MBD5: variants seen among roughly 807,000 people sequenced by gnomAD.
MBD5 encodes methyl-CpG binding domain protein 5, also known as methyl-CpG-binding domain protein 5.
In MBD5, 13 loss-of-function variants were observed where a neutral mutation model predicts 117.3. The ratio of observed to expected loss-of-function variants is 0.11; its 90% confidence interval spans 0.07 to 0.18. The LOEUF is 0.18. Ranked by LOEUF, MBD5 falls within the 10% of genes least tolerant of loss-of-function variation. The pLI is 1.00. For missense variants in MBD5, 1,879 were observed against 2,093.8 expected, an observed-to-expected ratio of 0.90 and a Z score of 2.00; for synonymous variants, 727 against 766.4, an observed-to-expected ratio of 0.95 and a Z score of 0.85.
At chr2:148,325,855 A>T (rs1228109339) in intron 3 of MBD5, among the ~76,000 whole-genome samples, 1 of 151,832 alleles carries the variant, frequency 6.6e-6, no homozygotes, top group Non-Finnish European at 1.5e-5. Flanking sequence ...CTCTGATCTT[A>T]GTTACTTCTT....
At chr2:148,424,603 A>G (rs1479805297) in intron 4 of MBD5, among the ~76,000 whole-genome samples, 1 of 152,142 alleles carries the variant, frequency 6.6e-6, no homozygotes, top group Non-Finnish European at 1.5e-5. Context: ...ACCACATCAC[A>G]CTTATTCTAA....
At chr2:148,144,552 G>A (rs1044407014) in intron 1 of MBD5, among the ~76,000 whole-genome samples, 19 of 152,076 alleles carry the variant, frequency 1.2e-4, no homozygotes, top group Non-Finnish European at 2.6e-4. Context: ...TATTGCCTAG[G>A]TTTTCTTCTA....
chr2:148,468,853 A>G lies in MBD5; in HGVS notation c.910A>G (p.Thr304Ala). 1 of 1,613,932 alleles carries G rather than the reference A, an allele frequency of 6.2e-7. No homozygotes were observed. The highest frequency in any genetic ancestry group is 8.5e-7 in the Non-Finnish European group (1 of 1,179,912). The change falls in exon 8 of 14, where the codon ACT becomes GCT. Residue 304 changes from threonine to alanine, a missense_variant. Transcript: ENST00000642680. ...TAATATACCTCTTTCCCCAACCTTG[A>G]CTACAAAGAGTCCAGTAATGAAAAA... ...RTNIPLSPTLTTKSPVMKKPM... is the reference protein window; with the variant it reads ...RTNIPLSPTLATKSPVMKKPM...
At chr2:148,294,503 T>TTTTTTTTTTTTGTTTTTTTTTTTTTG (rs1574250732) in intron 3 of MBD5, among the ~76,000 whole-genome samples, 2 of 17,828 alleles carry the variant, frequency 1.1e-4, no homozygotes, top group Admixed American at 5.6e-4. Flanking sequence ...GGATTACAGT[T>TTTTTTTTTTTTGTTTTTTTTTTTTTG]TTTTTTTTTT....
chr2:148,458,319 T>C lies in MBD5; in HGVS notation c.-440T>C. ...AAAGAATGTGGCCTATAAAGGCGGG[T>C]ACCTGGAAATATTAACCGACTCACA... is the stretch of plus-strand genomic sequence containing the variant. On this transcript the variant is annotated 5_prime_UTR_variant, in exon 5 of 14. Coordinates refer to ENST00000642680, the MANE Select transcript of MBD5 (RefSeq NM_001378120.1). 2.4e-6 allele frequency: 1 copy of C among 412,348 alleles called. No homozygotes were observed. 25.5% of individuals were successfully genotyped at this position (412,348 alleles called of 1,614,324 possible).
At chr2:148,066,238 G>A (rs563975880) in intron 1 of MBD5, among the ~76,000 whole-genome samples, 2 of 151,992 alleles carry the variant, frequency 1.3e-5, no homozygotes, top group Admixed American at 6.6e-5. Context: ...CCCAGGAGGC[G>A]GAGGTTGTAG....
rs1706842027 is a variant in MBD5, at chr2:148,455,027, C to T, written c.-556-3176C>T. Among the ~76,000 whole-genome samples the T allele has an allele frequency of 2.6e-5, 4 of 152,178 alleles. No individual in the cohort carries two copies. In the South Asian group the frequency reaches 8.3e-4, roughly 31 times the overall value. On this transcript the variant is annotated intron_variant, in intron 4 of 13. Transcript: ENST00000642680. ...CATTTGTTTGTATCCTCGCCTATTT[C>T]TTTAATCAGAGTTTCATAGTGTTTT...
chr2:148,432,731 T>C (rs948392610), intron 4 of MBD5, among the ~76,000 whole-genome samples: 3 of 152,176 alleles, frequency 2.0e-5, no homozygotes, highest in African/African-American at 7.2e-5. Flanking sequence ...TCTATGTGTC[T>C]GTCTTGGTAC....
intron 4 of MBD5, among the ~76,000 whole-genome samples, chr2:148,424,177 CAA>C (rs56740583): frequency 2.2e-4 from 12 of 53,444 alleles, no homozygotes; most frequent in East Asian, 1.3e-3. Context: ...GACTCTGTCT[CAA>C]AAAAAAAAAA....
chr2:148,123,518 A>G (rs755701528), intron 1 of MBD5, among the ~76,000 whole-genome samples: 19 of 152,218 alleles, frequency 1.2e-4, no homozygotes, highest in Non-Finnish European at 2.6e-4. Flanking sequence ...TTATGATTGT[A>G]TTAACCAAGA....
chr2:148,254,418 T>A (rs1199826976), intron 3 of MBD5, among the ~76,000 whole-genome samples: 1 of 152,124 alleles, frequency 6.6e-6, no homozygotes, highest in Non-Finnish European at 1.5e-5. Flanking sequence ...ACCTGAGTGG[T>A]GTGCTGTGCA....
At chr2:148,360,943 C>T (rs1296151704) in intron 4 of MBD5, among the ~76,000 whole-genome samples, 1 of 152,046 alleles carries the variant, frequency 6.6e-6, no homozygotes, top group East Asian at 1.9e-4. Flanking sequence ...GTTTTCCCAC[C>T]ATTATTTACC....
chr2:148,162,062 G>A (rs2105750229), intron 1 of MBD5, among the ~76,000 whole-genome samples: 1 of 152,292 alleles, frequency 6.6e-6, no homozygotes, highest in East Asian at 1.9e-4. Flanking sequence ...CTCCACCTAA[G>A]CTGTAAGACT....
chr2:148,438,748 C>T (rs1706228690), intron 4 of MBD5, among the ~76,000 whole-genome samples: 1 of 152,100 alleles, frequency 6.6e-6, no homozygotes, highest in African/African-American at 2.4e-5. Context: ...GTCCAAAGCC[C>T]ACCAACATGT....
chr2:148,386,382 G>A (rs988553421), intron 4 of MBD5, among the ~76,000 whole-genome samples: 3 of 152,098 alleles, frequency 2.0e-5, no homozygotes, highest in Non-Finnish European at 4.4e-5. Flanking sequence ...ATTAAAAAAG[G>A]GAAGCACACA....
At chr2:148,443,263 A>G (rs886158192) in intron 4 of MBD5, among the ~76,000 whole-genome samples, 1 of 151,316 alleles carries the variant, frequency 6.6e-6, no homozygotes, top group Admixed American at 6.6e-5. Context: ...GATGATATGG[A>G]GAAAAGGGAA....
In MBD5 at chr2:148,423,531, A is replaced by G. The variant is rs553825833; in HGVS notation, c.-556-34672A>G. On this transcript the variant is annotated intron_variant, in intron 4 of 13. Coordinates refer to ENST00000642680, the MANE Select transcript of MBD5 (RefSeq NM_001378120.1). Reference sequence around the variant, plus strand: ...ATTTCATCACCACCAGGCCTACCTTACAAGAGCTCCTGAAGGAAGCACTAA... The same window carrying G: ...ATTTCATCACCACCAGGCCTACCTTGCAAGAGCTCCTGAAGGAAGCACTAA... Among the ~76,000 whole-genome samples, 6 of 152,310 alleles carry G rather than the reference A, an allele frequency of 3.9e-5. No homozygotes were observed. The South Asian group carries it at 1.2e-3, about 32-fold the overall frequency.
intron 4 of MBD5, among the ~76,000 whole-genome samples, chr2:148,397,346 T>C (rs1704751028): frequency 6.8e-6 from 1 of 146,562 alleles, no homozygotes; most frequent in African/African-American, 2.5e-5. Context: ...TTTTTTTTTT[T>C]TGAGACGGAG....
chr2:148,352,578 T>TTTGAAAA (rs1315938203), intron 4 of MBD5, among the ~76,000 whole-genome samples: 77 of 152,218 alleles, frequency 5.1e-4, no homozygotes, highest in African/African-American at 1.7e-3. Context: ...TCTCCATTCC[T>TTTGAAAA]ATAATGTCAT....
Sources: allele counts gnomAD v4.1 joint callset (sites outside exome capture counted in the v4.1 genomes callset), GRCh38; gene constraint gnomAD v4.1.1; transcripts MANE v1.5; gene names NCBI Gene and HGNC (gene_info 2026-07-23, HGNC 2026-07-21).